GABBR2: variants seen among roughly 807,000 people sequenced by gnomAD.
GABBR2 encodes G-protein coupled receptor 51.
GABBR2 carries 23 observed loss-of-function variants against 105.6 expected under a neutral mutation model. The ratio of observed to expected loss-of-function variants is 0.22; its 90% CI spans 0.16 to 0.31. The LOEUF (loss-of-function observed/expected upper bound fraction) is 0.31. Among genes scored for constraint, GABBR2 ranks in the 10% least tolerant of loss-of-function variants. The pLI, the probability that GABBR2 is intolerant of heterozygous loss-of-function variation, is 1.00. For missense variants in GABBR2, 734 were observed against 1,245.5 expected (o/e 0.59, Z 6.18); for synonymous variants, 478 against 499.7 (o/e 0.96, Z 0.58).
intron 1 of GABBR2, among the ~76,000 whole-genome samples, chr9:98,653,151 A>T (rs1588270151): frequency 6.6e-6 from 1 of 152,300 alleles, no homozygotes; most frequent in East Asian, 1.9e-4. Context: ...CATATGCCCA[A>T]GCCCAGCTAA....
intron 1 of GABBR2, among the ~76,000 whole-genome samples, chr9:98,611,482 G>GAATT (rs1036386547): frequency 6.6e-6 from 1 of 152,050 alleles, no homozygotes; most frequent in African/African-American, 2.4e-5. Context: ...ATGAATGAAT[G>GAATT]AATGAATGAA....
chr9:98,487,159 CT>C (rs955406720), intron 4 of GABBR2, among the ~76,000 whole-genome samples: 24 of 152,070 alleles, frequency 1.6e-4, no homozygotes, highest in African/African-American at 5.6e-4. Flanking sequence ...AAAATAATAC[CT>C]TTTCGTCTCC....
intron 6 of GABBR2, among the ~76,000 whole-genome samples, chr9:98,464,174 C>T (rs76670900): frequency 2.6e-5 from 4 of 151,276 alleles, no homozygotes; most frequent in African/African-American, 7.3e-5. Context: ...GCCGCCATCC[C>T]GTCTAGGAAT....
rs1830230629 is a variant in GABBR2, at chr9:98,288,298, A to G, written c.*2286T>C. 6.6e-6 allele frequency: 1 copy of G among 152,648 alleles called. No homozygotes were observed. Among genetic ancestry groups the G allele is most frequent in the African/African-American group, 2.4e-5 (1 of 41,446 alleles). The allele number at this position is 152,648 out of a possible 1,614,324, so 9.5% of individuals were successfully genotyped here. The stretch of plus-strand genomic sequence containing the variant: ...ATGGACGGTGTGTTTGCTGCATATA[A>G]AAGAACAGAACCATTAAGTAGCTAG... On this transcript the variant is annotated 3_prime_UTR_variant, in exon 19 of 19. Coordinates refer to ENST00000259455, the MANE Select transcript of GABBR2 (RefSeq NM_005458.8).
At chr9:98,692,507 G>T (rs932558561) in intron 1 of GABBR2, among the ~76,000 whole-genome samples, 2 of 152,240 alleles carry the variant, frequency 1.3e-5, no homozygotes, top group African/African-American at 4.8e-5. Flanking sequence ...TCTCTCCGGG[G>T]CTTGGCCTAA....
intron 7 of GABBR2, among the ~76,000 whole-genome samples, chr9:98,422,496 CTG>C (rs370880704): frequency 1.4e-3 from 211 of 145,966 alleles, no homozygotes; most frequent in African/African-American, 2.2e-3. Context: ...CTTAATGCAC[CTG>C]TGTGTGTGTG....
Position 98,677,487 on chromosome 9 carries a change from T to C in GABBR2, c.321+30930A>G, listed in dbSNP as rs556306480. Among the ~76,000 whole-genome samples, 7 of 152,358 alleles carry C rather than the reference T, an allele frequency of 4.6e-5. No individual in the cohort carries two copies. In the East Asian group the frequency reaches 1.3e-3, roughly 29 times the overall value. On this transcript the variant is annotated intron_variant, in intron 1 of 18. Coordinates refer to ENST00000259455, the MANE Select transcript of GABBR2 (RefSeq NM_005458.8). ...CATGGTGGTTATTGGCTATGTATTC[T>C]CTCTTTAGATCTTGTTCATTTTCAG...
At chr9:98,598,659 T>C (rs1338270643) in intron 1 of GABBR2, among the ~76,000 whole-genome samples, 1 of 151,840 alleles carries the variant, frequency 6.6e-6, no homozygotes, top group African/African-American at 2.4e-5. Context: ...GGTGGGACTT[T>C]CGTCTTCAGC....
Position 98,510,445 on chromosome 9 carries a change from T to G in GABBR2, c.631-13931A>C, listed in dbSNP as rs1213949648. Among the ~76,000 whole-genome samples the G allele has an allele frequency of 3.9e-5, 6 of 152,272 alleles. No homozygotes were observed. The South Asian group carries it at 1.2e-3, about 32-fold the overall frequency. The stretch of plus-strand genomic sequence containing the variant: ...ATATTAATTTTAAATGTAAATGGGC[T>G]AAATGCTCCAATTAAAAGACACAGA... On this transcript the variant is annotated intron_variant, in intron 3 of 18. Coordinates refer to ENST00000259455, the MANE Select transcript of GABBR2 (RefSeq NM_005458.8).
intron 6 of GABBR2, among the ~76,000 whole-genome samples, chr9:98,463,221 A>G (rs1346954988): frequency 6.6e-6 from 1 of 152,206 alleles, no homozygotes; most frequent in Non-Finnish European, 1.5e-5. Context: ...AGAAAACTAT[A>G]AAACATTTCT....
chr9:98,530,381 T>C (rs1588214188), intron 3 of GABBR2, among the ~76,000 whole-genome samples: 1 of 152,192 alleles, frequency 6.6e-6, no homozygotes, highest in East Asian at 1.9e-4. Flanking sequence ...CTTCCTCTTC[T>C]TCACAAGGGC....
At chr9:98,301,511 G>A (rs1196690724) in intron 16 of GABBR2, among the ~76,000 whole-genome samples, 2 of 152,210 alleles carry the variant, frequency 1.3e-5, no homozygotes, top group Admixed American at 6.5e-5. Context: ...CTGTTCTGAT[G>A]TCAGGAACAC....
intron 6 of GABBR2, among the ~76,000 whole-genome samples, chr9:98,466,886 T>C (rs2808552): frequency 0.41 from 62,358 of 151,996 alleles, 14,302 homozygotes; most frequent in Non-Finnish European, 0.51. Flanking sequence ...TAATAAGGGA[T>C]CCAGGGTCCT....
chr9:98,375,776 A>G (rs1039539464), intron 11 of GABBR2, among the ~76,000 whole-genome samples: 5 of 152,148 alleles, frequency 3.3e-5, no homozygotes, highest in African/African-American at 9.7e-5. Context: ...AGAATGCTCC[A>G]GGGGCATTTC....
intron 1 of GABBR2, among the ~76,000 whole-genome samples, chr9:98,667,692 T>C (rs1394567001): frequency 6.6e-6 from 1 of 152,220 alleles, no homozygotes; most frequent in Non-Finnish European, 1.5e-5. Context: ...CTCTCTCCCT[T>C]ACAGGTACTG....
intron 8 of GABBR2, among the ~76,000 whole-genome samples, chr9:98,397,051 C>T (rs1204718979): frequency 6.6e-6 from 1 of 152,192 alleles, no homozygotes. Flanking sequence ...GAGCCAAGTG[C>T]TCAGCAGCGA....
chr9:98,555,399 T>A (rs373555824), intron 2 of GABBR2, among the ~76,000 whole-genome samples: 2 of 152,356 alleles, frequency 1.3e-5, no homozygotes, highest in South Asian at 2.1e-4. Context: ...ATTAAACAAA[T>A]AATTATGATT....
rs148221113 is a variant in GABBR2, at chr9:98,383,500, A to G, written c.1662+2140T>C. Among the ~76,000 whole-genome samples the G allele has an allele frequency of 1.3e-3, 205 of 152,268 alleles. 1 individual carries two copies. The highest frequency in any genetic ancestry group is 9.3e-4 in the Non-Finnish European group (63 of 68,010). On this transcript the variant is annotated intron_variant, in intron 11 of 18. Coordinates refer to ENST00000259455, the MANE Select transcript of GABBR2 (RefSeq NM_005458.8). ...AAAAACTCTTGAGTGGGAAGAGTGAACCAAGTGACCCTGGAGCACTGGGGT... is the reference window on the plus strand; with the variant it reads ...AAAAACTCTTGAGTGGGAAGAGTGAGCCAAGTGACCCTGGAGCACTGGGGT...
intron 7 of GABBR2, among the ~76,000 whole-genome samples, chr9:98,429,456 T>G (rs1280943985): frequency 1.3e-5 from 2 of 152,138 alleles, no homozygotes; most frequent in Non-Finnish European, 2.9e-5. Flanking sequence ...TTGGTATATA[T>G]TTTTGTCATC....
Sources: gnomAD v4.1 joint callset for allele counts (sites outside exome capture counted in the v4.1 genomes callset) on GRCh38, gnomAD v4.1.1 for gene constraint, MANE v1.5 for transcripts, NCBI Gene and HGNC (gene_info 2026-07-23, HGNC 2026-07-21) for gene names.